NPAS3: variants seen among roughly 807,000 people sequenced by gnomAD.
NPAS3 encodes neuronal PAS domain protein 3.
Under a neutral mutation model 73.1 loss-of-function variants are expected in NPAS3, and 14 were observed. The ratio of observed to expected loss-of-function variants is 0.19; its 90% CI spans 0.13 to 0.30. The LOEUF (loss-of-function observed/expected upper bound fraction) is 0.30, where lower values mean the gene tolerates loss of function less well. Ranked by LOEUF, NPAS3 falls within the 10% of genes least tolerant of loss-of-function variation. The pLI, the probability that NPAS3 is intolerant of heterozygous loss-of-function variation, is 1.00. For missense variants in NPAS3, 1,096 were observed against 1,250.0 expected (o/e 0.88, Z 1.86); for synonymous variants, 620 against 541.5 (o/e 1.14, Z -2.01).
chr14:33,032,749 C>T (rs899320572), intron 1 of NPAS3, among the ~76,000 whole-genome samples: 3 of 152,234 alleles, frequency 2.0e-5, no homozygotes, highest in Non-Finnish European at 4.4e-5. Flanking sequence ...CTTGTCTTCC[C>T]TGTGACACTT....
chr14:33,360,778 T>C (rs1486411608), intron 3 of NPAS3, among the ~76,000 whole-genome samples: 1 of 152,208 alleles, frequency 6.6e-6, no homozygotes, highest in Admixed American at 6.5e-5. Flanking sequence ...TCCTCTTCTT[T>C]TAGGCCAGTC....
At chr14:33,151,383 A>G (rs1352580793) in intron 2 of NPAS3, among the ~76,000 whole-genome samples, 1 of 152,228 alleles carries the variant, frequency 6.6e-6, no homozygotes, top group African/African-American at 2.4e-5. Flanking sequence ...AACGCACAAA[A>G]GAACATGTAG....
chr14:33,005,686 G>A (rs1434306828), intron 1 of NPAS3, among the ~76,000 whole-genome samples: 1 of 152,166 alleles, frequency 6.6e-6, no homozygotes, highest in Non-Finnish European at 1.5e-5. Context: ...TTTATAGGCA[G>A]TGGAAGTCTC....
At chr14:33,767,333 T>C (rs1327753522) in intron 7 of NPAS3, among the ~76,000 whole-genome samples, 1 of 152,218 alleles carries the variant, frequency 6.6e-6, no homozygotes, top group Non-Finnish European at 1.5e-5. Context: ...GGCTAGATGT[T>C]TAGTTTCAGA....
chr14:33,135,737 A>G (rs930685736), intron 2 of NPAS3, among the ~76,000 whole-genome samples: 21 of 152,190 alleles, frequency 1.4e-4, no homozygotes, highest in Non-Finnish European at 2.6e-4. Context: ...AGGGAAGGAA[A>G]AGACCAAAAG....
At position 33,530,878 on chromosome 14, in the gene NPAS3, T is replaced by A. The variant is rs376695791; in HGVS notation, c.469-29243T>A. ...CAGCTTGCTACTGGTGATCAGACTTTCAGTAGCTCCAAATAATAAGGTAGA... is the reference window on the plus strand; with the variant it reads ...CAGCTTGCTACTGGTGATCAGACTTACAGTAGCTCCAAATAATAAGGTAGA... On this transcript the variant is annotated intron_variant, in intron 4 of 11. Transcript: ENST00000356141. 2.6e-3 allele frequency among the ~76,000 whole-genome samples: 403 copies of A among 152,146 alleles called. 1 individual carries two copies. The highest frequency in any genetic ancestry group is 4.7e-3 in the Non-Finnish European group (320 of 67,972).
chr14:33,268,019 T>C (rs2139996200), intron 3 of NPAS3, among the ~76,000 whole-genome samples: 1 of 152,310 alleles, frequency 6.6e-6, no homozygotes, highest in African/African-American at 2.4e-5. Flanking sequence ...AAAAACATAA[T>C]TACTATATTC....
intron 2 of NPAS3, among the ~76,000 whole-genome samples, chr14:33,072,672 T>C (rs2041526087): frequency 6.6e-6 from 1 of 152,082 alleles, no homozygotes; most frequent in African/African-American, 2.4e-5. Flanking sequence ...CATAAATCTT[T>C]GTTTAGAAGC....
intron 2 of NPAS3, among the ~76,000 whole-genome samples, chr14:33,135,877 C>G (rs2043812707): frequency 6.6e-6 from 1 of 152,056 alleles, no homozygotes; most frequent in South Asian, 2.1e-4. Context: ...AGATTCTGAA[C>G]AGAAGTGGAG....
At chr14:33,402,845 G>GT (rs1308314912) in intron 4 of NPAS3, among the ~76,000 whole-genome samples, 4 of 152,152 alleles carry the variant, frequency 2.6e-5, no homozygotes, top group African/African-American at 9.7e-5. Context: ...GAGAGGCACT[G>GT]TTTTTCTGAC....
intron 1 of NPAS3, among the ~76,000 whole-genome samples, chr14:33,013,561 A>C (rs2039288092): frequency 6.6e-6 from 1 of 152,200 alleles, no homozygotes; most frequent in African/African-American, 2.4e-5. Flanking sequence ...ACCATTTAAA[A>C]AAATTTGGTG....
chr14:33,799,480 G>A (rs553950411), intron 11 of NPAS3, among the ~76,000 whole-genome samples: 1 of 152,182 alleles, frequency 6.6e-6, no homozygotes, highest in Non-Finnish European at 1.5e-5. Context: ...CATTTGCAGC[G>A]GGTGTCCAGA....
intron 5 of NPAS3, among the ~76,000 whole-genome samples, chr14:33,607,295 A>G (rs1227208166): frequency 6.6e-6 from 1 of 152,152 alleles, no homozygotes; most frequent in Admixed American, 6.5e-5. Flanking sequence ...TGAATGTGGT[A>G]TGTACACAAA....
Position 33,697,533 on chromosome 14 carries a change from A to G in NPAS3, c.733+21148A>G, listed in dbSNP as rs184718151. On this transcript the variant is annotated intron_variant, in intron 6 of 11. Transcript: ENST00000356141. ...ATGGCAGTGATACAAATAAGAGTTC[A>G]GTCTTTACTAACATGCCAGTTAAAT... is the stretch of plus-strand genomic sequence containing the variant. Among the ~76,000 whole-genome samples the G allele has an allele frequency of 1.8e-3, 274 of 152,324 alleles. 1 individual carries two copies. The highest frequency in any genetic ancestry group is 6.2e-3 in the African/African-American group (259 of 41,576).
intron 5 of NPAS3, among the ~76,000 whole-genome samples, chr14:33,584,473 CAG>C (rs1885370661): frequency 1.3e-5 from 2 of 151,120 alleles, no homozygotes; most frequent in African/African-American, 4.9e-5. Context: ...TAAAAATTTC[CAG>C]AGTCAGCTTA....
chr14:33,466,506 T>C (rs905757020), intron 4 of NPAS3, among the ~76,000 whole-genome samples: 2 of 152,208 alleles, frequency 1.3e-5, no homozygotes, highest in African/African-American at 4.8e-5. Flanking sequence ...GTGGGAAGAC[T>C]GAAGAGTTTG....
At chr14:33,359,075 T>C (rs993143390) in intron 3 of NPAS3, among the ~76,000 whole-genome samples, 3 of 152,080 alleles carry the variant, frequency 2.0e-5, no homozygotes, top group Admixed American at 6.6e-5. Flanking sequence ...TTACTGAGCA[T>C]AATACCAAGA....
chr14:33,746,084 GC>G (rs956507013), intron 7 of NPAS3, among the ~76,000 whole-genome samples: 2 of 152,146 alleles, frequency 1.3e-5, no homozygotes, highest in Admixed American at 6.5e-5. Flanking sequence ...AAGGCAAACT[GC>G]CCCTGTGGCT....
At chr14:33,435,107 A>G (rs1331851057) in intron 4 of NPAS3, among the ~76,000 whole-genome samples, 2 of 152,182 alleles carry the variant, frequency 1.3e-5, no homozygotes, top group Non-Finnish European at 2.9e-5. Flanking sequence ...ACAGAAACAC[A>G]TTGTTTCTAC....
Sources: gnomAD v4.1 joint callset for allele counts (sites outside exome capture counted in the v4.1 genomes callset) on GRCh38, gnomAD v4.1.1 for gene constraint, MANE v1.5 for transcripts, NCBI Gene and HGNC (gene_info 2026-07-23, HGNC 2026-07-21) for gene names.